ZNF827: variants seen among roughly 807,000 people sequenced by gnomAD.
ZNF827 encodes the protein zinc finger protein 827.
A neutral mutation model predicts 102.4 loss-of-function variants in ZNF827; 13 were observed. The ratio of observed to expected loss-of-function variants is 0.13; its 90% confidence interval spans 0.08 to 0.20. ZNF827 has a LOEUF of 0.20. ZNF827 is among the 10% of genes least tolerant of loss of function. ZNF827 has a pLI of 1.00. For missense variants in ZNF827, 1,103 were observed against 1,344.4 expected (o/e 0.82, Z 2.81); for synonymous variants, 523 against 536.2 (o/e 0.98, Z 0.34).
At position 145,776,069 on chromosome 4, in the gene ZNF827, T is replaced by C. The variant is rs138823898; in HGVS notation, c.2522-109A>G. 8.4e-5 allele frequency: 107 copies of C among 1,272,006 alleles called. No individual in the cohort carries two copies. The African/African-American group carries it at 1.3e-3, about 16-fold the overall frequency. The allele number at this position is 1,272,006 out of a possible 1,614,324, so 78.8% of individuals were successfully genotyped here. On this transcript the variant is annotated intron_variant, in intron 9 of 14. Coordinates refer to ENST00000508784, the MANE Select transcript of ZNF827 (RefSeq NM_001306215.2). ...CAAGGAAAGAATGGTTCAAGTCATA[T>C]TTCAGATGGAGACAATGGTAATGCC...
intron 4 of ZNF827, among the ~76,000 whole-genome samples, chr4:145,881,601 G>T (rs1410527333): frequency 1.3e-5 from 2 of 152,270 alleles, no homozygotes; most frequent in East Asian, 3.9e-4. Context: ...TTTTAATCAG[G>T]CTTCTAATAA....
At chr4:145,781,196 A>AAAAAAAAAAAAAAAAAAAAG (rs1737966806) in intron 8 of ZNF827, among the ~76,000 whole-genome samples, 1 of 3,292 alleles carries the variant, frequency 3.0e-4, no homozygotes, top group Non-Finnish European at 6.5e-4. Context: ...ACACCATCTC[A>AAAAAAAAAAAAAAAAAAAAG]AAAAAAAAAA....
At position 145,902,103 on chromosome 4, in the gene ZNF827, A is replaced by G. The variant is rs1282366996; in HGVS notation, c.1093+63T>C. 6.6e-7 allele frequency: 1 copy of G among 1,514,746 alleles called. No individual in the cohort carries two copies. The highest frequency in any genetic ancestry group is 8.8e-7 in the Non-Finnish European group (1 of 1,132,940). The allele number at this position is 1,514,746 out of a possible 1,614,324, so 93.8% of individuals were successfully genotyped here. On this transcript the variant is annotated intron_variant, in intron 2 of 14. Transcript: ENST00000508784. This position sits in a 1 kb window ranked among gnomAD's most constrained non-coding sequence, Gnocchi z 4.3. ...GGAACCCAACTGAAAAAAGCAATGA[A>G]TAAGACATCGCAGTTTATAGTCTAA...
intron 8 of ZNF827, among the ~76,000 whole-genome samples, chr4:145,784,828 T>A (rs1738615696): frequency 6.6e-6 from 1 of 152,218 alleles, no homozygotes; most frequent in South Asian, 2.1e-4. Flanking sequence ...CATTTCTTTT[T>A]GAAATACTTG....
chr4:145,885,516 G>T (rs1750030998), intron 4 of ZNF827, among the ~76,000 whole-genome samples, 162 bp downstream of exon 4: 1 of 151,866 alleles, frequency 6.6e-6, no homozygotes, highest in African/African-American at 2.4e-5. Context: ...AGGAGAAAAT[G>T]TATGGAAGTG....
At chr4:145,918,193 T>C (rs1296866437) in intron 1 of ZNF827, among the ~76,000 whole-genome samples, 1 of 152,066 alleles carries the variant, frequency 6.6e-6, no homozygotes, top group Non-Finnish European at 1.5e-5. Context: ...ACCTAATTTT[T>C]AAGAAAAATT....
chr4:145,872,946 T>A (rs1397976039), intron 4 of ZNF827, among the ~76,000 whole-genome samples: 1 of 93,164 alleles, frequency 1.1e-5, no homozygotes, highest in Non-Finnish European at 2.2e-5. Flanking sequence ...TTTTCTTTTC[T>A]TTTTTTTTTT....
chr4:145,913,870 A>T lies in ZNF827; in HGVS notation c.44-10655T>A, dbSNP rs377593830. On this transcript the variant is annotated intron_variant, in intron 1 of 14. Transcript: ENST00000508784. ...ACCAATACTTCTTAGAAGATCAGTA[A>T]TAAATTACCAAACTACTGAAATCAC... Among the ~76,000 whole-genome samples, 19 of 152,318 alleles carry T rather than the reference A, an allele frequency of 1.2e-4. No homozygotes were observed. In the South Asian group the frequency reaches 3.5e-3, roughly 28 times the overall value.
At chr4:145,936,166 C>T (rs1215309044) in intron 1 of ZNF827, among the ~76,000 whole-genome samples, 2 of 151,950 alleles carry the variant, frequency 1.3e-5, no homozygotes, top group African/African-American at 4.8e-5. Context: ...TTCCTGCCTC[C>T]TCTCCCTCCC....
At chr4:145,920,263 GT>G (rs891989556) in intron 1 of ZNF827, among the ~76,000 whole-genome samples, 1 of 152,202 alleles carries the variant, frequency 6.6e-6, no homozygotes, top group African/African-American at 2.4e-5. Context: ...GAAACTTCTG[GT>G]TGTTATGACC....
At chr4:145,874,492 A>G (rs1320210796) in intron 4 of ZNF827, among the ~76,000 whole-genome samples, 2 of 152,250 alleles carry the variant, frequency 1.3e-5, no homozygotes, top group African/African-American at 4.8e-5. Flanking sequence ...TTACATTGAG[A>G]ACAGTACATA....
At chr4:145,776,493 CA>C (rs1737120447) in intron 9 of ZNF827, among the ~76,000 whole-genome samples, 1 of 150,756 alleles carries the variant, frequency 6.6e-6, no homozygotes, top group South Asian at 2.1e-4. Context: ...AGTCCCAGGG[CA>C]ACTAGAATAG....
At chr4:145,848,201 C>T (rs950187064) in intron 6 of ZNF827, among the ~76,000 whole-genome samples, 2 of 152,050 alleles carry the variant, frequency 1.3e-5, no homozygotes, top group Non-Finnish European at 2.9e-5. Flanking sequence ...TAAAAGTAGC[C>T]TGTTTTGGAG....
rs10715391 is a variant in ZNF827, at chr4:145,760,720, G to GTTTTTTTTTTTTTTTTTTTT, written c.*895_*896insAAAAAAAAAAAAAAAAAAAA. The GTTTTTTTTTTTTTTTTTTTT allele has an allele frequency of 1.5e-6, 1 of 672,792 alleles. No individual in the cohort carries two copies. 41.7% of individuals were successfully genotyped at this position (672,792 alleles called of 1,614,324 possible). ...GCTGGGGTTGTGTTTAAGTTTTGTG[G>GTTTTTTTTTTTTTTTTTTTT]TTTTTTTTTTTTTTTTTGTCTTTTG... On this transcript the variant is annotated 3_prime_UTR_variant, in exon 15 of 15. Coordinates refer to ENST00000508784, the MANE Select transcript of ZNF827 (RefSeq NM_001306215.2).
At chr4:145,922,186 G>A (rs1291561968) in intron 1 of ZNF827, among the ~76,000 whole-genome samples, 2 of 152,152 alleles carry the variant, frequency 1.3e-5, no homozygotes, top group African/African-American at 2.4e-5. Flanking sequence ...AGCTGAAGAC[G>A]CACATGCACC....
chr4:145,813,095 A>G (rs1742206371), intron 8 of ZNF827, among the ~76,000 whole-genome samples: 2 of 152,176 alleles, frequency 1.3e-5, no homozygotes, highest in African/African-American at 4.8e-5. Flanking sequence ...AGTCACTGAC[A>G]TCCTCTGCTC....
chr4:145,818,167 C>T (rs997837338), intron 8 of ZNF827, among the ~76,000 whole-genome samples: 1 of 152,250 alleles, frequency 6.6e-6, no homozygotes, highest in African/African-American at 2.4e-5. Flanking sequence ...CCAACAGCTG[C>T]GGTAAATGTG....
chr4:145,880,797 C>T (rs892873068), intron 4 of ZNF827, among the ~76,000 whole-genome samples: 2 of 152,168 alleles, frequency 1.3e-5, no homozygotes, highest in African/African-American at 4.8e-5. Flanking sequence ...GGGAGGCTGT[C>T]GAAAATCACC....
intron 8 of ZNF827, among the ~76,000 whole-genome samples, chr4:145,811,818 A>G (rs910653730): frequency 2.0e-5 from 3 of 152,234 alleles, no homozygotes; most frequent in African/African-American, 7.2e-5. Flanking sequence ...CCATCGCTAA[A>G]ATAATTTATA....
Sources: allele counts gnomAD v4.1 joint callset (sites outside exome capture counted in the v4.1 genomes callset), GRCh38; gene constraint gnomAD v4.1.1; non-coding constraint Gnocchi (gnomAD v3.1); transcripts MANE v1.5; gene names NCBI Gene and HGNC (gene_info 2026-07-23, HGNC 2026-07-21).